Variants in C8orf34 observed in about 807,000 individuals in gnomAD.
C8orf34 encodes chromosome 8 open reading frame 34, also known as uncharacterized protein C8orf34.
A neutral mutation model predicts 68.3 loss-of-function variants in C8orf34; 65 were observed. The observed-to-expected ratio is 0.95, with a 90% CI of 0.78 to 1.17. C8orf34 has a LOEUF of 1.17. Among genes scored for constraint, C8orf34 ranks in the 50% most tolerant of loss-of-function variants. The pLI, the probability that C8orf34 is intolerant of heterozygous loss-of-function variation, is 0.00. For missense variants in C8orf34, 664 were observed against 655.4 expected (o/e 1.01, Z -0.14); for synonymous variants, 244 against 241.2 (o/e 1.01, Z -0.11).
intron 8 of C8orf34, among the ~76,000 whole-genome samples, chr8:68,679,393 A>G (rs1163717490): frequency 2.0e-5 from 3 of 152,164 alleles, no homozygotes; most frequent in Non-Finnish European, 4.4e-5. Context: ...CTCTACAATA[A>G]AAACTATAAA....
chr8:68,580,121 G>T (rs1383887324), intron 7 of C8orf34, among the ~76,000 whole-genome samples: 1 of 152,046 alleles, frequency 6.6e-6, no homozygotes, highest in African/African-American at 2.4e-5. Flanking sequence ...CATATATATA[G>T]TAAATGAGAG....
chr8:68,746,044 C>G (rs898660583), intron 10 of C8orf34, among the ~76,000 whole-genome samples: 3 of 152,048 alleles, frequency 2.0e-5, no homozygotes, highest in Non-Finnish European at 4.4e-5. Context: ...TCTCTCAGAC[C>G]ACAGTGCAAT....
chr8:68,536,459 C>T (rs530055926), intron 7 of C8orf34, among the ~76,000 whole-genome samples: 94 of 150,794 alleles, frequency 6.2e-4, no homozygotes, highest in African/African-American at 2.3e-3. Context: ...TGAGGAACTT[C>T]GTTAGTTTAA....
intron 8 of C8orf34, among the ~76,000 whole-genome samples, chr8:68,688,293 G>C (rs1820582070): frequency 6.6e-6 from 1 of 152,006 alleles, no homozygotes; most frequent in Non-Finnish European, 1.5e-5. Context: ...ATATGAAGAA[G>C]ACACATACAC....
intron 7 of C8orf34, among the ~76,000 whole-genome samples, chr8:68,631,275 A>C (rs1818684183): frequency 6.6e-6 from 1 of 151,650 alleles, no homozygotes; most frequent in Non-Finnish European, 1.5e-5. Flanking sequence ...AATAAAAATA[A>C]ATAAATAAGT....
chr8:68,408,905 C>T (rs147171942), intron 1 of C8orf34, among the ~76,000 whole-genome samples: 234 of 152,214 alleles, frequency 1.5e-3, no homozygotes, highest in Non-Finnish European at 2.7e-3. Context: ...TCTCCTGCCT[C>T]AGTCTCCCCA....
intron 7 of C8orf34, among the ~76,000 whole-genome samples, chr8:68,627,481 A>G (rs1193830180): frequency 6.6e-6 from 1 of 152,174 alleles, no homozygotes; most frequent in African/African-American, 2.4e-5. Flanking sequence ...ATTTTTATGA[A>G]AGAGAATTGT....
chr8:68,786,570 C>T (rs546594792), intron 11 of C8orf34, among the ~76,000 whole-genome samples: 6 of 152,190 alleles, frequency 3.9e-5, no homozygotes, highest in South Asian at 2.1e-4. Context: ...AAGTGACTCC[C>T]GAGCCTTGGA....
intron 8 of C8orf34, among the ~76,000 whole-genome samples, chr8:68,684,949 G>C (rs533834013): frequency 6.6e-6 from 1 of 151,932 alleles, no homozygotes. Context: ...AGAATAATTA[G>C]TTTTGGTTTA....
At chr8:68,593,243 T>A (rs1341895829) in intron 7 of C8orf34, among the ~76,000 whole-genome samples, 1 of 152,150 alleles carries the variant, frequency 6.6e-6, no homozygotes, top group Non-Finnish European at 1.5e-5. Context: ...AAATTAAACC[T>A]TATTTGATCA....
chr8:68,745,773 C>A (rs1822469187), intron 10 of C8orf34, among the ~76,000 whole-genome samples: 1 of 152,102 alleles, frequency 6.6e-6, no homozygotes, highest in Non-Finnish European at 1.5e-5. Context: ...TAGACTCCCA[C>A]ACATTAATAA....
At chr8:68,790,976 G>T in intron 12 of C8orf34, 1 of 610,926 alleles carries the variant, frequency 1.6e-6, no homozygotes, top group Non-Finnish European at 2.9e-6. Flanking sequence ...TAAACTTTGG[G>T]TCTTCTTTTT....
At chr8:68,554,627 A>G (rs1450724006) in intron 7 of C8orf34, among the ~76,000 whole-genome samples, 1 of 152,168 alleles carries the variant, frequency 6.6e-6, no homozygotes, top group African/African-American at 2.4e-5. Context: ...CTACAGGTTA[A>G]GCCACCATAG....
chr8:68,658,184 T>A (rs1385898756), intron 8 of C8orf34, among the ~76,000 whole-genome samples: 1 of 152,162 alleles, frequency 6.6e-6, no homozygotes, highest in Non-Finnish European at 1.5e-5. Flanking sequence ...AGACCTATAT[T>A]TTTATTACAA....
At chr8:68,365,122 A>G (rs1294652737) in intron 1 of C8orf34, among the ~76,000 whole-genome samples, 3 of 146,306 alleles carry the variant, frequency 2.1e-5, no homozygotes, top group Non-Finnish European at 1.5e-5. Context: ...AAACACCTCT[A>G]CGCAAATAAA....
intron 7 of C8orf34, among the ~76,000 whole-genome samples, chr8:68,549,263 T>C (rs1586358986): frequency 6.6e-6 from 1 of 151,840 alleles, no homozygotes; most frequent in East Asian, 1.9e-4. Flanking sequence ...TCTATGGCAA[T>C]CTACAGTATT....
intron 7 of C8orf34, among the ~76,000 whole-genome samples, chr8:68,569,205 TA>T: frequency 6.6e-6 from 1 of 152,350 alleles, no homozygotes; most frequent in South Asian, 2.1e-4. Flanking sequence ...CCAGCATCTC[TA>T]AAAATTTGCT....
chr8:68,446,222 G>C, intron 2 of C8orf34, 107 bp from the exon 3 acceptor site: 1 of 832,278 alleles, frequency 1.2e-6, no homozygotes, highest in Non-Finnish European at 1.9e-6. Flanking sequence ...TTTGATATGA[G>C]GTGACCTATA....
chr8:68,553,883 T>C (rs1816166649), intron 7 of C8orf34, among the ~76,000 whole-genome samples: 1 of 610 alleles, frequency 1.6e-3, no homozygotes, highest in Non-Finnish European at 3.2e-3. Flanking sequence ...AAAAGTTTTA[T>C]GAAAAAAAAT....
Sources: allele counts gnomAD v4.1 joint callset (sites outside exome capture counted in the v4.1 genomes callset), GRCh38; gene constraint gnomAD v4.1.1; transcripts MANE v1.5; gene names NCBI Gene and HGNC (gene_info 2026-07-23, HGNC 2026-07-21).